The following DPP6 variants were observed in gnomAD, a reference collection of about 807,000 sequenced individuals.
DPP6 encodes dipeptidyl peptidase like 6.
A neutral mutation model predicts 122.6 loss-of-function variants in DPP6; 69 were observed. The observed-to-expected ratio is 0.56, with a 90% CI of 0.46 to 0.69. The LOEUF (loss-of-function observed/expected upper bound fraction) is 0.69, where lower values mean the gene tolerates loss of function less well. Among genes scored for constraint, DPP6 ranks in the 30% least tolerant of loss-of-function variants. The pLI is 0.00. For missense variants in DPP6, 928 were observed against 1,116.9 expected (o/e 0.83, Z 2.41); for synonymous variants, 418 against 433.1 (o/e 0.97, Z 0.43).
chr7:154,450,840 A>G (rs1254994528), intron 2 of DPP6, among the ~76,000 whole-genome samples: 1 of 152,182 alleles, frequency 6.6e-6, no homozygotes, highest in African/African-American at 2.4e-5. Context: ...GAGGAAGTCA[A>G]GTTTTCCTCA....
intron 6 of DPP6, among the ~76,000 whole-genome samples, chr7:154,658,465 C>G (rs144974079): frequency 6.6e-6 from 1 of 152,084 alleles, no homozygotes; most frequent in Non-Finnish European, 1.5e-5. Context: ...AAGTGCTGGC[C>G]GAGACGGAAA....
intron 1 of DPP6, among the ~76,000 whole-genome samples, chr7:154,262,587 A>C (rs6464395): frequency 0.58 from 87,400 of 150,974 alleles, 25,670 homozygotes; most frequent in African/African-American, 0.66. Context: ...TTAAGCCACT[A>C]AGTTTGTGGA....
At chr7:154,838,075 C>T (rs1033684441) in intron 16 of DPP6, among the ~76,000 whole-genome samples, 1 of 152,320 alleles carries the variant, frequency 6.6e-6, no homozygotes, top group Admixed American at 6.5e-5. Flanking sequence ...CGTTAGGATG[C>T]TTCTCGGGTC....
chr7:154,274,658 T>TC (rs796328635), intron 1 of DPP6, among the ~76,000 whole-genome samples: 8 of 152,328 alleles, frequency 5.3e-5, no homozygotes, highest in African/African-American at 1.9e-4. Context: ...ACGTTTTTTT[T>TC]CTTGTTCTTT....
At chr7:154,558,758 A>T (rs1463222524) in intron 4 of DPP6, among the ~76,000 whole-genome samples, 1 of 152,222 alleles carries the variant, frequency 6.6e-6, no homozygotes, top group Non-Finnish European at 1.5e-5. Flanking sequence ...GCACAATGGC[A>T]GAATCGCCCA....
At chr7:154,345,137 G>C (rs1345016701) in intron 1 of DPP6, among the ~76,000 whole-genome samples, 1 of 152,146 alleles carries the variant, frequency 6.6e-6, no homozygotes, top group Non-Finnish European at 1.5e-5. Flanking sequence ...TGAAAGTCGA[G>C]GATGAGGGTG....
At chr7:153,776,533 T>C in the DPP6 span, among the ~76,000 whole-genome samples, 1 of 152,172 alleles carries the variant, frequency 6.6e-6, no homozygotes, top group African/African-American at 2.4e-5. Context: ...CTATTCTTTA[T>C]AAATTACCCA....
At chr7:153,991,179 C>T (rs555076174) in intron 1 of DPP6, among the ~76,000 whole-genome samples, 2 of 152,016 alleles carry the variant, frequency 1.3e-5, no homozygotes, top group East Asian at 1.9e-4. Context: ...GAGCACACAC[C>T]GGCTTTTGGA....
chr7:154,539,489 G>T (rs1180505054), intron 3 of DPP6, among the ~76,000 whole-genome samples: 2 of 152,096 alleles, frequency 1.3e-5, no homozygotes, highest in Non-Finnish European at 2.9e-5. Context: ...TTGTACGGTG[G>T]GGGGCAGGGG....
intron 2 of DPP6, among the ~76,000 whole-genome samples, chr7:154,461,670 T>A (rs1586344503): frequency 6.6e-6 from 1 of 152,218 alleles, no homozygotes; most frequent in African/African-American, 2.4e-5. Flanking sequence ...TGTCTTCTTT[T>A]GAGAAATGTC....
At chr7:154,859,961 C>A (rs778283821) in intron 17 of DPP6, among the ~76,000 whole-genome samples, 2 of 152,152 alleles carry the variant, frequency 1.3e-5, no homozygotes, top group East Asian at 3.9e-4. Flanking sequence ...CACCCCACAG[C>A]GGCCTGCAAG....
chr7:154,353,306 T>C (rs1413725706), intron 1 of DPP6, among the ~76,000 whole-genome samples: 2 of 152,198 alleles, frequency 1.3e-5, no homozygotes, highest in Non-Finnish European at 2.9e-5. Context: ...GAGTCTGGAC[T>C]ACAGTTGTTC....
chr7:154,578,912 A>G (rs1245616439), intron 5 of DPP6, among the ~76,000 whole-genome samples: 1 of 152,196 alleles, frequency 6.6e-6, no homozygotes, highest in Non-Finnish European at 1.5e-5. Flanking sequence ...CATAAACTGG[A>G]AAAATAGCCA....
At chr7:154,584,789 A>G (rs778020222) in intron 5 of DPP6, among the ~76,000 whole-genome samples, 2 of 152,186 alleles carry the variant, frequency 1.3e-5, no homozygotes, top group Non-Finnish European at 2.9e-5. Flanking sequence ...CGCTACGATT[A>G]CTCAGCTCAG....
chr7:153,962,980 C>T (rs2969630), intron 1 of DPP6, among the ~76,000 whole-genome samples: 2 of 152,016 alleles, frequency 1.3e-5, no homozygotes, highest in African/African-American at 4.8e-5. Flanking sequence ...TATTTTGGGG[C>T]CTTTTTGACT....
At chr7:153,873,659 G>C in the DPP6 span, among the ~76,000 whole-genome samples, 1 of 152,336 alleles carries the variant, frequency 6.6e-6, no homozygotes, top group South Asian at 2.1e-4. Context: ...TGGATGAACA[G>C]TCATTAACCT....
intron 1 of DPP6, among the ~76,000 whole-genome samples, chr7:154,045,385 A>C (rs1799970808): frequency 1.3e-5 from 2 of 152,234 alleles, no homozygotes; most frequent in South Asian, 4.1e-4. Context: ...TTGCTCTAGT[A>C]CATTGCTCTA....
At chr7:153,857,293 T>C in the DPP6 span, among the ~76,000 whole-genome samples, 1 of 150,736 alleles carries the variant, frequency 6.6e-6, no homozygotes, top group African/African-American at 2.4e-5. Context: ...TCTATACTTA[T>C]TAATATGTGT....
Position 154,727,877 on chromosome 7 carries a change from G to T in DPP6, c.873G>T (p.Trp291Cys). The change falls in exon 8 of 26, where the codon TGG becomes TGT. Residue 291 changes from tryptophan (W) to cysteine (C), a missense_variant. Physicochemically the swap from Trp to Cys is radical, Grantham distance 215 (BLOSUM62 -2). Transcript: ENST00000377770. ...EGVIYNGLSDWLYEEEILKTH... is the reference protein window; with the variant it reads ...EGVIYNGLSDCLYEEEILKTH... The stretch of plus-strand genomic sequence containing the variant: ...TGATTTACAATGGCCTCAGTGACTG[G>T]CTGTATGAAGGTAAGATGTGCACAG... 6.2e-7 allele frequency: 1 copy of T among 1,612,146 alleles called. No individual in the cohort carries two copies. The highest frequency in any genetic ancestry group is 1.1e-5 in the South Asian group (1 of 90,428).
Sources: allele counts gnomAD v4.1 joint callset (sites outside exome capture counted in the v4.1 genomes callset), GRCh38; gene constraint gnomAD v4.1.1; transcripts MANE v1.5; gene names NCBI Gene and HGNC (gene_info 2026-07-23, HGNC 2026-07-21).